MIGA1: variants seen among roughly 807,000 people sequenced by gnomAD.
MIGA1 encodes the protein family with sequence similarity 73, member A.
Under a neutral mutation model 82.0 loss-of-function variants are expected in MIGA1, and 58 were observed. The ratio of observed to expected loss-of-function variants is 0.71; its 90% CI spans 0.57 to 0.88. The LOEUF (loss-of-function observed/expected upper bound fraction) is 0.88, where lower values mean the gene tolerates loss of function less well. Among genes scored for constraint, MIGA1 ranks in the 40% least tolerant of loss-of-function variants. The probability of loss-of-function intolerance (pLI) is 0.00; values close to 1 mark genes in which losing one functional copy is unlikely to be tolerated. For missense variants in MIGA1, 751 were observed against 749.1 expected, an observed-to-expected ratio of 1.00 and a Z score of -0.03; for synonymous variants, 249 against 253.6, an observed-to-expected ratio of 0.98 and a Z score of 0.17.
chr1:77,834,082 G>A (rs911154414), intron 7 of MIGA1, among the ~76,000 whole-genome samples: 1 of 152,192 alleles, frequency 6.6e-6, no homozygotes, highest in African/African-American at 2.4e-5. Context: ...TTTCACATGG[G>A]TGAAACTTTA....
chr1:77,872,655 C>T (rs1312231751), intron 14 of MIGA1, among the ~76,000 whole-genome samples: 5 of 152,138 alleles, frequency 3.3e-5, no homozygotes, highest in Non-Finnish European at 7.4e-5. Context: ...AAACTGTTGG[C>T]TAGGATATGA....
chr1:77,847,051 T>C (rs767368261), intron 8 of MIGA1: 2 of 736,914 alleles, frequency 2.7e-6, no homozygotes, highest in Middle Eastern at 3.9e-4. Context: ...CACTTATTTA[T>C]AGCAATCCAG....
chr1:77,818,359 G>A (rs1055544452), intron 7 of MIGA1, among the ~76,000 whole-genome samples: 2 of 151,934 alleles, frequency 1.3e-5, no homozygotes, highest in African/African-American at 2.4e-5. Context: ...CTGACCTCAG[G>A]CGATCCACCT....
chr1:77,878,172 T>A lies in MIGA1; in HGVS notation c.*3108T>A, dbSNP rs1646908261. On this transcript the variant is annotated 3_prime_UTR_variant, in exon 16 of 16. Transcript: ENST00000370791. Reference sequence around the variant, plus strand: ...ACTTTGGGAGGCCCAAGTGGGCAGATAACCTGAGGTCAGGAGTTTGAGACC... The same window carrying A: ...ACTTTGGGAGGCCCAAGTGGGCAGAAAACCTGAGGTCAGGAGTTTGAGACC... 6.6e-6 allele frequency: 1 copy of A among 152,278 alleles called. No individual in the cohort carries two copies. Among genetic ancestry groups the A allele is most frequent in the Admixed American group, 6.5e-5 (1 of 15,282 alleles). 9.4% of individuals were successfully genotyped at this position (152,278 alleles called of 1,614,324 possible).
intron 3 of MIGA1, among the ~76,000 whole-genome samples, chr1:77,802,362 T>C (rs1682919809): frequency 6.6e-6 from 1 of 152,196 alleles, no homozygotes; most frequent in Non-Finnish European, 1.5e-5. Context: ...ATAGTCTTGT[T>C]ATTGTTTCTA....
chr1:77,843,166 CA>C lies in MIGA1; in HGVS notation c.896-139del, dbSNP rs1362994634. ...TGTCAGAGTTTCAGATTCAGTTAAA[CA>C]ATGGATACTTACTGTTTTCTTTTTG... On this transcript the variant is annotated intron_variant, in intron 7 of 15. Transcript: ENST00000370791. 3.3e-4 allele frequency: 176 copies of C among 534,830 alleles called. 1 individual carries two copies. Among genetic ancestry groups the C allele is most frequent in the Non-Finnish European group, 5.0e-5 (15 of 299,316 alleles). The allele number at this position is 534,830 out of a possible 1,614,324, so 33.1% of individuals were successfully genotyped here. A position where few individuals can be genotyped will look rare whatever the true frequency, so the allele number is the denominator to read the frequency against.
At chr1:77,791,570 T>G (rs1682428022) in intron 2 of MIGA1, among the ~76,000 whole-genome samples, 1 of 150,968 alleles carries the variant, frequency 6.6e-6, no homozygotes, top group African/African-American at 2.4e-5. Flanking sequence ...TTTTTTTTTT[T>G]TTTTTTTTTT....
rs563191641 is a variant in MIGA1, at chr1:77,806,917, A to G, written c.511-58A>G. The stretch of plus-strand genomic sequence containing the variant: ...TAAAAATAATTTGTAAATATGAAAG[A>G]TCACAACATACTATCATGAGAGAGA... On this transcript the variant is annotated intron_variant, in intron 4 of 15. Coordinates refer to ENST00000370791, the MANE Select transcript of MIGA1 (RefSeq NM_198549.4). 152 of 1,306,594 alleles carry G rather than the reference A, an allele frequency of 1.2e-4. 1 individual carries two copies. The East Asian group carries it at 3.6e-3, about 31-fold the overall frequency. The allele number at this position is 1,306,594 out of a possible 1,614,324, so 80.9% of individuals were successfully genotyped here.
chr1:77,866,050 C>T (rs544201038), intron 13 of MIGA1, among the ~76,000 whole-genome samples: 2 of 152,122 alleles, frequency 1.3e-5, no homozygotes, highest in Admixed American at 1.3e-4. Flanking sequence ...GTATCTGGGT[C>T]TACAGGCATG....
At chr1:77,825,233 T>G (rs529957790) in intron 7 of MIGA1, among the ~76,000 whole-genome samples, 63 of 152,186 alleles carry the variant, frequency 4.1e-4, no homozygotes, top group Middle Eastern at 3.4e-3. Context: ...CTCGAACTTC[T>G]GGCCTCAAGT....
At chr1:77,798,582 C>CG (rs980940096) in intron 2 of MIGA1, among the ~76,000 whole-genome samples, 37 of 152,288 alleles carry the variant, frequency 2.4e-4, no homozygotes, top group African/African-American at 8.4e-4. Flanking sequence ...TTATCTCCCA[C>CG]GGGGGCCAAC....
At chr1:77,814,674 G>A (rs945910861) in intron 6 of MIGA1, among the ~76,000 whole-genome samples, 3 of 152,182 alleles carry the variant, frequency 2.0e-5, no homozygotes, top group African/African-American at 7.2e-5. Flanking sequence ...ATTTAGTTAA[G>A]CTAGTGGTTC....
At chr1:77,847,214 A>C in intron 8 of MIGA1, 1 of 1,190,496 alleles carries the variant, frequency 8.4e-7, no homozygotes, top group Non-Finnish European at 1.3e-6. Flanking sequence ...TCTGATGATG[A>C]TGATGAGACC....
intron 2 of MIGA1, among the ~76,000 whole-genome samples, chr1:77,784,181 C>G (rs534484983): frequency 3.3e-5 from 5 of 152,178 alleles, no homozygotes; most frequent in Admixed American, 1.3e-4. Context: ...AGTGAAATTG[C>G]TGGATCATAC....
At chr1:77,862,523 C>T (rs575250688) in intron 12 of MIGA1, among the ~76,000 whole-genome samples, 6 of 152,106 alleles carry the variant, frequency 3.9e-5, no homozygotes, top group African/African-American at 7.2e-5. Context: ...GAGGCTGAGA[C>T]GGGCAGATCG....
intron 7 of MIGA1, among the ~76,000 whole-genome samples, chr1:77,826,356 A>G (rs1012507259): frequency 1.3e-5 from 2 of 152,238 alleles, no homozygotes; most frequent in African/African-American, 4.8e-5. Context: ...TGAAAAAATA[A>G]TTATTCTAGA....
intron 2 of MIGA1, among the ~76,000 whole-genome samples, chr1:77,800,295 T>G (rs1167486730): frequency 6.6e-6 from 1 of 152,194 alleles, no homozygotes; most frequent in Admixed American, 6.5e-5. Flanking sequence ...AGTGTATTCT[T>G]TCTCCACCAG....
intron 2 of MIGA1, among the ~76,000 whole-genome samples, chr1:77,792,914 G>A (rs1284649227): frequency 1.3e-5 from 2 of 150,114 alleles, no homozygotes; most frequent in African/African-American, 4.9e-5. Flanking sequence ...TCAGCCTCCT[G>A]AATAGCTGAG....
At chr1:77,810,971 T>C in intron 5 of MIGA1, 1 of 1,612,120 alleles carries the variant, frequency 6.2e-7, no homozygotes, top group Non-Finnish European at 8.5e-7. Flanking sequence ...TCTATTACAA[T>C]TGGCCCAGGT....
Sources: allele counts gnomAD v4.1 joint callset (sites outside exome capture counted in the v4.1 genomes callset), GRCh38; gene constraint gnomAD v4.1.1; transcripts MANE v1.5; gene names NCBI Gene and HGNC (gene_info 2026-07-23, HGNC 2026-07-21).